Variants in SLIT3 observed in about 807,000 individuals in gnomAD.
SLIT3 encodes slit homolog 3 protein.
Under a neutral mutation model 184.0 loss-of-function variants are expected in SLIT3, and 68 were observed. The observed-to-expected ratio is 0.37, with a 90% CI of 0.30 to 0.45. The LOEUF (loss-of-function observed/expected upper bound fraction) is 0.45, where lower values mean the gene tolerates loss of function less well. SLIT3 is among the 20% of genes least tolerant of loss of function. SLIT3 has a pLI of 1.00. For synonymous variants in SLIT3, 831 were observed against 828.6 expected (o/e 1.00, Z -0.05); for missense variants, 1,707 against 2,026.0 (o/e 0.84, Z 3.02).
chr5:168,826,913 C>T (rs915471639), intron 6 of SLIT3, among the ~76,000 whole-genome samples: 4 of 152,098 alleles, frequency 2.6e-5, no homozygotes, highest in Admixed American at 2.0e-4. Flanking sequence ...CAGGTGCCCA[C>T]CACCACGTCT....
At chr5:168,854,283 T>C in intron 5 of SLIT3, among the ~76,000 whole-genome samples, 1 of 147,956 alleles carries the variant, frequency 6.8e-6, no homozygotes, top group Non-Finnish European at 1.5e-5. Flanking sequence ...AGTCTCAGTA[T>C]TTGTCACTGG....
chr5:169,260,443 G>C (rs75296438), intron 1 of SLIT3, among the ~76,000 whole-genome samples: 2 of 152,138 alleles, frequency 1.3e-5, no homozygotes, highest in African/African-American at 4.8e-5. Flanking sequence ...GACCGAGGAC[G>C]GGGTATTCGT....
intron 4 of SLIT3, among the ~76,000 whole-genome samples, chr5:168,980,345 A>T (rs1222314069): frequency 1.3e-5 from 2 of 152,150 alleles, no homozygotes; most frequent in African/African-American, 4.8e-5. Context: ...TTCCAAAATG[A>T]CCAAGGGGAA....
chr5:168,972,376 T>TGTGTGTGTGTGTGTGTGTGTG (rs1245225696), intron 4 of SLIT3, among the ~76,000 whole-genome samples: 1 of 150,674 alleles, frequency 6.6e-6, no homozygotes, highest in Non-Finnish European at 1.5e-5. Context: ...TGTGTGTGTG[T>TGTGTGTGTGTGTGTGTGTGTG]GAAGAGAGAA....
At chr5:169,279,847 C>G (rs760621454) in intron 1 of SLIT3, among the ~76,000 whole-genome samples, 12 of 152,164 alleles carry the variant, frequency 7.9e-5, no homozygotes, top group Non-Finnish European at 1.6e-4. Flanking sequence ...AAAATGAACT[C>G]ATAATAGTAC....
At chr5:169,233,672 T>C (rs963307929) in intron 3 of SLIT3, among the ~76,000 whole-genome samples, 2 of 152,246 alleles carry the variant, frequency 1.3e-5, no homozygotes, top group African/African-American at 2.4e-5. Flanking sequence ...AGTTTATGTG[T>C]AGATTATTTT....
chr5:168,747,049 A>G (rs1284367242), intron 20 of SLIT3, among the ~76,000 whole-genome samples: 1 of 151,546 alleles, frequency 6.6e-6, no homozygotes, highest in Non-Finnish European at 1.5e-5. Context: ...CTGCTCAGGC[A>G]CTTAGGCTGT....
chr5:168,790,609 C>G (rs560676982), intron 10 of SLIT3: 30 of 152,098 alleles, frequency 2.0e-4, no homozygotes, highest in Non-Finnish European at 3.7e-4. Context: ...CAATTTCCTG[C>G]GACATCAAAC....
At chr5:169,111,148 A>T (rs1760395039) in intron 4 of SLIT3, among the ~76,000 whole-genome samples, 1 of 151,282 alleles carries the variant, frequency 6.6e-6, no homozygotes, top group South Asian at 2.1e-4. Flanking sequence ...TACCTTTCAC[A>T]CTCTATCCTG....
intron 2 of SLIT3, among the ~76,000 whole-genome samples, chr5:169,246,325 G>A (rs865874439): frequency 1.3e-5 from 2 of 152,098 alleles, no homozygotes; most frequent in East Asian, 1.9e-4. Context: ...CTATAGAAAC[G>A]ATTGAAGGGA....
At chr5:169,121,348 T>C (rs758757661) in intron 4 of SLIT3, among the ~76,000 whole-genome samples, 2 of 152,192 alleles carry the variant, frequency 1.3e-5, no homozygotes, top group African/African-American at 4.8e-5. Context: ...TCATGTGGCA[T>C]AGTTTGTGTG....
At chr5:169,103,305 G>A (rs1760085613) in intron 4 of SLIT3, among the ~76,000 whole-genome samples, 1 of 152,192 alleles carries the variant, frequency 6.6e-6, no homozygotes, top group African/African-American at 2.4e-5. Context: ...AGTCAAGCCT[G>A]TTTTATTTGA....
At chr5:169,203,969 C>T (rs764052389) in intron 3 of SLIT3, among the ~76,000 whole-genome samples, 9 of 152,048 alleles carry the variant, frequency 5.9e-5, no homozygotes, top group Non-Finnish European at 7.3e-5. Flanking sequence ...ACATATGGGG[C>T]ACTCAGGGAT....
intron 4 of SLIT3, among the ~76,000 whole-genome samples, chr5:168,890,584 CTTTCA>C (rs1033980499): frequency 2.0e-4 from 31 of 152,232 alleles, no homozygotes; most frequent in Admixed American, 1.5e-3. Context: ...GTTATGTTTT[CTTTCA>C]TTTATGTCTT....
At chr5:169,167,419 T>G (rs1242765414) in intron 4 of SLIT3, among the ~76,000 whole-genome samples, 1 of 151,100 alleles carries the variant, frequency 6.6e-6, no homozygotes, top group Non-Finnish European at 1.5e-5. Context: ...GGATTACAGG[T>G]GCCCACCACC....
chr5:169,057,554 G>A (rs949834514), intron 4 of SLIT3, among the ~76,000 whole-genome samples: 1 of 152,230 alleles, frequency 6.6e-6, no homozygotes, highest in African/African-American at 2.4e-5. Context: ...TAAGAATAGG[G>A]AGTCAGAGGC....
intron 4 of SLIT3, among the ~76,000 whole-genome samples, chr5:168,918,941 C>T (rs1044306184): frequency 6.6e-6 from 1 of 152,130 alleles, no homozygotes; most frequent in Admixed American, 6.5e-5. Context: ...ATGCCCTTTG[C>T]CCCAGACATT....
chr5:168,923,449 C>A (rs987112725), intron 4 of SLIT3, among the ~76,000 whole-genome samples: 1 of 152,098 alleles, frequency 6.6e-6, no homozygotes, highest in Admixed American at 6.6e-5. Flanking sequence ...TGACAATTAC[C>A]TTCCACCTTA....
chr5:168,770,149 G>A (rs779671961), intron 14 of SLIT3, among the ~76,000 whole-genome samples: 1 of 152,164 alleles, frequency 6.6e-6, no homozygotes, highest in African/African-American at 2.4e-5. Flanking sequence ...TTTTCAGGAG[G>A]ACTTAATCTG....
Sources: allele counts gnomAD v4.1 joint callset (sites outside exome capture counted in the v4.1 genomes callset), GRCh38; gene constraint gnomAD v4.1.1; transcripts MANE v1.5; gene names NCBI Gene and HGNC (gene_info 2026-07-23, HGNC 2026-07-21).